The following RNF216 variants were observed in gnomAD, a reference collection of about 807,000 sequenced individuals.
RNF216 encodes the protein ring finger protein 216.
Under a neutral mutation model 110.8 loss-of-function variants are expected in RNF216, and 72 were observed. That is an observed-to-expected ratio of 0.65 (90% CI 0.54 to 0.79). The LOEUF (loss-of-function observed/expected upper bound fraction) is 0.79, where lower values mean the gene tolerates loss of function less well. Ranked by LOEUF, RNF216 falls within the 30% of genes least tolerant of loss-of-function variation. RNF216 has a pLI of 0.00. For missense variants in RNF216, 1,342 were observed against 1,141.2 expected (o/e 1.18, Z -2.54); for synonymous variants, 495 against 407.5 (o/e 1.21, Z -2.59).
intron 15 of RNF216, among the ~76,000 whole-genome samples, chr7:5,634,223 T>C (rs1472607626): frequency 6.6e-6 from 1 of 152,104 alleles, no homozygotes; most frequent in Admixed American, 6.6e-5. Context: ...AACGGGTGGC[T>C]TTTCTTCTTC....
intron 15 of RNF216, among the ~76,000 whole-genome samples, chr7:5,628,134 A>G (rs1584334189): frequency 6.6e-6 from 1 of 151,728 alleles, no homozygotes; most frequent in Admixed American, 6.6e-5. Flanking sequence ...TCGCATCCTC[A>G]CCCTCCGAAG....
chr7:5,724,449 G>A (rs1793629520), intron 8 of RNF216, among the ~76,000 whole-genome samples: 1 of 152,204 alleles, frequency 6.6e-6, no homozygotes, highest in South Asian at 2.1e-4. Flanking sequence ...CTATGTACAA[G>A]GATGCCTGTT....
intron 13 of RNF216, among the ~76,000 whole-genome samples, chr7:5,674,280 T>G (rs147333730): frequency 6.6e-6 from 1 of 151,982 alleles, no homozygotes; most frequent in African/African-American, 2.4e-5. Context: ...CACCCACCTC[T>G]GCCTCCCAAA....
rs573357314 is a variant in RNF216 at position 5,763,362 on chromosome 7, G to A, written c.-69-2224C>T. 5.7e-3 allele frequency among the ~76,000 whole-genome samples: 874 copies of A among 152,268 alleles called. 8 individuals carry two copies. The highest frequency in any genetic ancestry group is 8.3e-3 in the Non-Finnish European group (564 of 68,012). ...GATTTCTTTGAGGGCTAGGAGCGATGGCTCACACCTGTAATCCCAGCACTT... is the reference window on the plus strand; with the variant it reads ...GATTTCTTTGAGGGCTAGGAGCGATAGCTCACACCTGTAATCCCAGCACTT... On this transcript the variant is annotated intron_variant, in intron 1 of 16. Coordinates refer to ENST00000389902, the MANE Select transcript of RNF216 (RefSeq NM_207111.4).
intron 5 of RNF216, among the ~76,000 whole-genome samples, chr7:5,736,516 G>A (rs1474317645): frequency 6.6e-6 from 1 of 152,226 alleles, no homozygotes; most frequent in South Asian, 2.1e-4. Flanking sequence ...AAAGTGCCGA[G>A]ATTTCAGCCT....
In RNF216 at chr7:5,652,446, G is replaced by A. The variant is rs765773341; in HGVS notation, c.2126C>T (p.Ala709Val). ...ACGGTACTTGATGTCGTCTTTTTCA[G>A]CCAGCTCTTCACAGGTGAGGCCATT... is the stretch of plus-strand genomic sequence containing the variant. ...EHNGLTCEEL[A>V]EKDDIKYRTS... The change falls in exon 14 of 17, where the codon GCT becomes GTT. Residue 709 changes from alanine (A) to valine (V), a missense_variant. Ala to Val is a moderately conservative substitution (Grantham distance 64, BLOSUM62 0). Coordinates refer to ENST00000389902, the MANE Select transcript of RNF216 (RefSeq NM_207111.4). 44 of 1,613,570 alleles carry A rather than the reference G, an allele frequency of 2.7e-5. 1 individual carries two copies. Among genetic ancestry groups the A allele is most frequent in the Non-Finnish European group, 3.3e-5 (39 of 1,179,668 alleles).
chr7:5,629,408 G>A (rs1172180858), intron 15 of RNF216, among the ~76,000 whole-genome samples: 2 of 152,010 alleles, frequency 1.3e-5, no homozygotes, highest in East Asian at 1.9e-4. Flanking sequence ...TGAGGCTGCA[G>A]TGAGCTATGA....
In RNF216 at chr7:5,756,684, G is replaced by A. The variant is rs1015746950; in HGVS notation, c.68-3705C>T. On this transcript the variant is annotated intron_variant, in intron 2 of 16. Coordinates refer to ENST00000389902, the MANE Select transcript of RNF216 (RefSeq NM_207111.4). ...TGCCCAGGCTAGAGTACAATAGCATGAACACAAGTTCTCTGCAGCCTTGAC... is the reference window on the plus strand; with the variant it reads ...TGCCCAGGCTAGAGTACAATAGCATAAACACAAGTTCTCTGCAGCCTTGAC... 3.9e-5 allele frequency among the ~76,000 whole-genome samples: 6 copies of A among 152,332 alleles called. 1 individual carries two copies. Among genetic ancestry groups the A allele is most frequent in the Middle Eastern group, 6.8e-3 (2 of 294 alleles).
At chr7:5,754,725 C>A (rs1386030570) in intron 2 of RNF216, among the ~76,000 whole-genome samples, 2 of 152,030 alleles carry the variant, frequency 1.3e-5, no homozygotes, top group African/African-American at 2.4e-5. Context: ...TCTTGGTGTA[C>A]CCAATGAAAA....
In RNF216 at chr7:5,700,455, G is replaced by A. The variant is rs537483120; in HGVS notation, c.2061+11306C>T. Among the ~76,000 whole-genome samples, 196 of 152,286 alleles carry A rather than the reference G, an allele frequency of 1.3e-3. 1 individual carries two copies. The highest frequency in any genetic ancestry group is 4.5e-3 in the African/African-American group (189 of 41,540). On this transcript the variant is annotated intron_variant, in intron 13 of 16. Coordinates refer to ENST00000389902, the MANE Select transcript of RNF216 (RefSeq NM_207111.4). ...TTCTAACATGCATCTCTCCCTTGAT[G>A]AGGCCACAGACACAGAAAAATGTCA...
intron 13 of RNF216, among the ~76,000 whole-genome samples, chr7:5,710,372 C>A (rs10275228): frequency 0.97 from 144,420 of 148,168 alleles, 70,372 homozygotes; most frequent in Admixed American, 0.98. Context: ...AACTTAAAAA[C>A]AAAAACAAAA....
At chr7:5,753,010 G>C (rs368116086) in intron 2 of RNF216, 31 bp from the exon 3 acceptor site, 47 of 1,591,514 alleles carry the variant, frequency 3.0e-5, no homozygotes, top group Middle Eastern at 3.4e-4. Flanking sequence ...CTGTTACTGG[G>C]AGGTTGGCAC....
chr7:5,658,625 C>T (rs894598702), intron 13 of RNF216, among the ~76,000 whole-genome samples: 1 of 147,226 alleles, frequency 6.8e-6, no homozygotes, highest in South Asian at 2.1e-4. Flanking sequence ...CTACTGCACT[C>T]CAGTCTGGGT....
At chr7:5,755,169 A>C (rs1795559433) in intron 2 of RNF216, among the ~76,000 whole-genome samples, 1 of 148,184 alleles carries the variant, frequency 6.7e-6, no homozygotes, top group Non-Finnish European at 1.5e-5. Context: ...GAAAGGAAGG[A>C]AAGAGAGGAA....
In RNF216 at chr7:5,741,643, TC is replaced by T; in HGVS notation, c.373del (p.Asp125MetfsTer88). ...NNPLFDSGAQ[D>X]DSEDDYGEFL... ...TTCACCGTAGTCATCCTCAGAATCA[TC>T]CTGTGCCCCAGAATCAAACAATGGG... On this transcript the variant is annotated frameshift_variant, in exon 4 of 17. Coordinates refer to ENST00000389902, the MANE Select transcript of RNF216 (RefSeq NM_207111.4). LOFTEE classifies it high-confidence loss of function. The T allele has an allele frequency of 6.2e-7, 1 of 1,614,140 alleles. No homozygotes were observed. Among genetic ancestry groups the T allele is most frequent in the Non-Finnish European group, 8.5e-7 (1 of 1,180,026 alleles).
At chr7:5,660,958 T>G (rs940800386) in intron 13 of RNF216, among the ~76,000 whole-genome samples, 1 of 146,772 alleles carries the variant, frequency 6.8e-6, no homozygotes, top group African/African-American at 2.6e-5. Context: ...TTTTTTTTTT[T>G]TTTTTTTTTT....
chr7:5,718,882 C>T (rs1227386095), intron 9 of RNF216, among the ~76,000 whole-genome samples: 1 of 152,038 alleles, frequency 6.6e-6, no homozygotes, highest in Non-Finnish European at 1.5e-5. Flanking sequence ...TAGTCTTGAA[C>T]TCCTGGCCTC....
At chr7:5,668,433 C>T (rs1789672962) in intron 13 of RNF216, among the ~76,000 whole-genome samples, 2 of 152,010 alleles carry the variant, frequency 1.3e-5, no homozygotes, top group South Asian at 4.1e-4. Flanking sequence ...CCGTGTTAGC[C>T]AGGATGGTCT....
At chr7:5,628,275 G>A (rs1221402074) in intron 15 of RNF216, among the ~76,000 whole-genome samples, 1 of 152,120 alleles carries the variant, frequency 6.6e-6, no homozygotes, top group Non-Finnish European at 1.5e-5. Flanking sequence ...TCTAAAGACA[G>A]TCTGGTTTGT....
Sources: allele counts gnomAD v4.1 joint callset (sites outside exome capture counted in the v4.1 genomes callset), GRCh38; gene constraint gnomAD v4.1.1; transcripts MANE v1.5; gene names NCBI Gene and HGNC (gene_info 2026-07-23, HGNC 2026-07-21).